The following ADGRB3 variants were observed in gnomAD, a reference collection of about 807,000 sequenced individuals.
ADGRB3 encodes the protein adhesion G protein-coupled receptor B3.
A neutral mutation model predicts 193.4 loss-of-function variants in ADGRB3; 37 were observed. That is an observed-to-expected ratio of 0.19 (90% confidence interval 0.15 to 0.25). ADGRB3 has a LOEUF of 0.25. Ranked by LOEUF, ADGRB3 falls within the 10% of genes least tolerant of loss-of-function variation. The pLI is 1.00. For synonymous variants in ADGRB3, 690 were observed against 644.2 expected, an observed-to-expected ratio of 1.07 and a Z score of -1.08; for missense variants, 1,637 against 1,852.9, an observed-to-expected ratio of 0.88 and a Z score of 2.14.
At chr6:68,874,236 A>G (rs769782512) in intron 3 of ADGRB3, among the ~76,000 whole-genome samples, 2 of 152,168 alleles carry the variant, frequency 1.3e-5, no homozygotes, top group Non-Finnish European at 2.9e-5. Context: ...ACGATTTTGC[A>G]TATTACTGCT....
At chr6:68,670,296 C>T (rs975813268) in intron 3 of ADGRB3, among the ~76,000 whole-genome samples, 5 of 151,784 alleles carry the variant, frequency 3.3e-5, no homozygotes, top group Middle Eastern at 3.4e-3. Flanking sequence ...TTTATTTTGC[C>T]TTGGTTGCCT....
At chr6:68,923,327 G>A (rs1014877952) in intron 3 of ADGRB3, among the ~76,000 whole-genome samples, 19 of 151,936 alleles carry the variant, frequency 1.3e-4, no homozygotes, top group Admixed American at 3.3e-4. Flanking sequence ...TTACCTCCAC[G>A]TACAAAAAGT....
intron 26 of ADGRB3, among the ~76,000 whole-genome samples, chr6:69,340,274 G>A (rs1768947567): frequency 6.6e-6 from 1 of 152,156 alleles, no homozygotes; most frequent in Admixed American, 6.5e-5. Context: ...GAGTTGTTTA[G>A]AAATAAAATG....
intron 15 of ADGRB3, among the ~76,000 whole-genome samples, chr6:69,061,496 TA>T (rs1239097370): frequency 6.6e-6 from 1 of 152,036 alleles, no homozygotes; most frequent in Non-Finnish European, 1.5e-5. Flanking sequence ...AGTATGCCTT[TA>T]CAGCATAATC....
chr6:69,340,629 A>G (rs191868569), intron 26 of ADGRB3, among the ~76,000 whole-genome samples: 1 of 152,064 alleles, frequency 6.6e-6, no homozygotes, highest in African/African-American at 2.4e-5. Context: ...TTTATTTTTT[A>G]TTATTCTTTA....
intron 20 of ADGRB3, among the ~76,000 whole-genome samples, chr6:69,297,113 T>C (rs1767836617): frequency 6.6e-6 from 1 of 152,062 alleles, no homozygotes; most frequent in African/African-American, 2.4e-5. Flanking sequence ...GGAAACTGCA[T>C]AAGAGTTTGG....
At chr6:69,120,750 T>C (rs940473370) in intron 17 of ADGRB3, among the ~76,000 whole-genome samples, 28 of 152,216 alleles carry the variant, frequency 1.8e-4, no homozygotes, top group African/African-American at 6.5e-4. Flanking sequence ...CAAAAAGAAA[T>C]AATAATTACA....
chr6:69,033,411 A>G (rs1470543090), intron 13 of ADGRB3, among the ~76,000 whole-genome samples: 2 of 152,206 alleles, frequency 1.3e-5, no homozygotes, highest in Non-Finnish European at 2.9e-5. Flanking sequence ...AATTATCTCT[A>G]TAAATGCATC....
chr6:69,335,860 T>C (rs1296186397), intron 24 of ADGRB3, among the ~76,000 whole-genome samples: 2 of 152,070 alleles, frequency 1.3e-5, no homozygotes, highest in Non-Finnish European at 2.9e-5. Context: ...CCTTCTCCCA[T>C]TTTTTCTGTT....
intron 12 of ADGRB3, among the ~76,000 whole-genome samples, chr6:69,018,143 T>C (rs992307512): frequency 6.6e-6 from 1 of 151,918 alleles, no homozygotes; most frequent in African/African-American, 2.4e-5. Context: ...ATCTGTTAGA[T>C]ATTTTGAGTT....
chr6:68,975,860 C>CA (rs901553738), intron 10 of ADGRB3, among the ~76,000 whole-genome samples: 1 of 152,012 alleles, frequency 6.6e-6, no homozygotes, highest in Non-Finnish European at 1.5e-5. Context: ...CCAAATTTTC[C>CA]AAAAAATAGC....
intron 20 of ADGRB3, among the ~76,000 whole-genome samples, chr6:69,307,949 T>C (rs570000290): frequency 4.6e-5 from 7 of 151,640 alleles, no homozygotes; most frequent in African/African-American, 1.5e-4. Context: ...CTGGTGACAA[T>C]GTTATACCTA....
chr6:69,285,513 A>T (rs898758373), intron 20 of ADGRB3, among the ~76,000 whole-genome samples: 1 of 152,036 alleles, frequency 6.6e-6, no homozygotes, highest in African/African-American at 2.4e-5. Context: ...TCTACTAAAA[A>T]TACAAAAATT....
In ADGRB3 at chr6:69,192,249, G is replaced by T. The variant is rs9454718; in HGVS notation, c.2481-41041G>T. Among the ~76,000 whole-genome samples the T allele has an allele frequency of 4.3e-3, 650 of 152,236 alleles. 2 individuals carry two copies. Among genetic ancestry groups the T allele is most frequent in the African/African-American group, 0.015 (624 of 41,544 alleles). ...GTGCAGCCTTCAGTCTGCGGTCAAA[G>T]GTCCAAGAGTCCCAAAGCTGAAGAA... On this transcript the variant is annotated intron_variant, in intron 17 of 31. Coordinates refer to ENST00000370598, the MANE Select transcript of ADGRB3 (RefSeq NM_001704.3).
chr6:68,668,962 G>T (rs1163325930), intron 3 of ADGRB3, among the ~76,000 whole-genome samples: 1 of 151,918 alleles, frequency 6.6e-6, no homozygotes, highest in East Asian at 1.9e-4. Flanking sequence ...TCTTCCTGTG[G>T]TCTGGTGAAT....
Position 69,314,471 on chromosome 6 carries a change from T to A in ADGRB3, c.2815-10401T>A, listed in dbSNP as rs560337785. On this transcript the variant is annotated intron_variant, in intron 20 of 31. Coordinates refer to ENST00000370598, the MANE Select transcript of ADGRB3 (RefSeq NM_001704.3). ...GTTAGTCTTGTAACAGATATTTTAA[T>A]TATGTAGAAAATAACCTGCTTCAAA... is the stretch of plus-strand genomic sequence containing the variant. 8.0e-4 allele frequency among the ~76,000 whole-genome samples: 121 copies of A among 151,762 alleles called. 1 individual carries two copies. Among genetic ancestry groups the A allele is most frequent in the African/African-American group, 2.8e-3 (117 of 41,490 alleles).
chr6:69,270,531 A>G lies in ADGRB3; in HGVS notation c.2814+31305A>G, dbSNP rs947620971. Among the ~76,000 whole-genome samples, 15 of 152,224 alleles carry G rather than the reference A, an allele frequency of 9.9e-5. 1 individual carries two copies. The highest frequency in any genetic ancestry group is 8.5e-4 in the Admixed American group (13 of 15,282). On this transcript the variant is annotated intron_variant, in intron 20 of 31. Coordinates refer to ENST00000370598, the MANE Select transcript of ADGRB3 (RefSeq NM_001704.3). ...ACTATATACTATTTTGAAAGAATCT[A>G]TAAAAATAATCAAATTGTTCTTTTA...
At chr6:68,983,641 C>T (rs992073689) in intron 10 of ADGRB3, among the ~76,000 whole-genome samples, 4 of 151,852 alleles carry the variant, frequency 2.6e-5, no homozygotes, top group African/African-American at 7.3e-5. Context: ...TAATCATTGA[C>T]CTTTAACTAT....
intron 20 of ADGRB3, among the ~76,000 whole-genome samples, chr6:69,299,808 G>A (rs1434233188): frequency 2.0e-5 from 3 of 151,702 alleles, no homozygotes; most frequent in Admixed American, 6.6e-5. Flanking sequence ...TTTAAAGTCA[G>A]GTAGCATGAT....
Sources: gnomAD v4.1 joint callset for allele counts (sites outside exome capture counted in the v4.1 genomes callset) on GRCh38, gnomAD v4.1.1 for gene constraint, MANE v1.5 for transcripts, NCBI Gene and HGNC (gene_info 2026-07-23, HGNC 2026-07-21) for gene names.